Variants in PPM1L observed in about 807,000 individuals in gnomAD.
The protein encoded by PPM1L is protein phosphatase 1L.
Under a neutral mutation model 31.4 loss-of-function variants are expected in PPM1L, and 13 were observed. That is an observed-to-expected ratio of 0.41 (90% CI 0.27 to 0.66). PPM1L has a LOEUF of 0.66. Ranked by LOEUF, PPM1L falls within the 30% of genes least tolerant of loss-of-function variation. The pLI, the probability that PPM1L is intolerant of heterozygous loss-of-function variation, is 0.29. For missense variants in PPM1L, 326 were observed against 453.7 expected (o/e 0.72, Z 2.56); for synonymous variants, 184 against 175.4 (o/e 1.05, Z -0.39).
intron 1 of PPM1L, among the ~76,000 whole-genome samples, chr3:160,770,935 A>G (rs1334940971): frequency 6.6e-6 from 1 of 152,202 alleles, no homozygotes; most frequent in Non-Finnish European, 1.5e-5. Context: ...CTGAGTTGGT[A>G]TAAGAGACAA....
At chr3:161,003,021 T>G (rs1309795721) in intron 2 of PPM1L, among the ~76,000 whole-genome samples, 1 of 150,798 alleles carries the variant, frequency 6.6e-6, no homozygotes, top group South Asian at 2.1e-4. Context: ...TTGTATAAAG[T>G]GTAAGGAAGG....
At chr3:160,912,649 G>A (rs1714015337) in intron 1 of PPM1L, among the ~76,000 whole-genome samples, 1 of 152,186 alleles carries the variant, frequency 6.6e-6, no homozygotes. Flanking sequence ...ATGCAAAAGA[G>A]TTATGGGCTC....
At chr3:160,918,561 A>G (rs1245118429) in intron 1 of PPM1L, among the ~76,000 whole-genome samples, 2 of 152,242 alleles carry the variant, frequency 1.3e-5, no homozygotes, top group Non-Finnish European at 2.9e-5. Flanking sequence ...ATGCATAAAT[A>G]TTCTAGCATA....
intron 2 of PPM1L, among the ~76,000 whole-genome samples, chr3:160,981,950 G>C (rs1716814916): frequency 6.6e-6 from 1 of 151,938 alleles, no homozygotes; most frequent in Non-Finnish European, 1.5e-5. Flanking sequence ...ATTTTTAGTA[G>C]AGACGGGGTT....
intron 2 of PPM1L, among the ~76,000 whole-genome samples, chr3:160,980,600 T>C (rs1158125092): frequency 6.6e-6 from 1 of 151,348 alleles, no homozygotes; most frequent in Non-Finnish European, 1.5e-5. Context: ...CCCTGGAGGT[T>C]GAGGCTGCAG....
chr3:160,801,636 T>G (rs1345920808), intron 1 of PPM1L, among the ~76,000 whole-genome samples: 1 of 152,238 alleles, frequency 6.6e-6, no homozygotes, highest in African/African-American at 2.4e-5. Context: ...TGCCTGTTTA[T>G]GCTGAGATAA....
At chr3:160,952,631 T>G (rs1715609988) in intron 1 of PPM1L, among the ~76,000 whole-genome samples, 1 of 152,224 alleles carries the variant, frequency 6.6e-6, no homozygotes, top group Non-Finnish European at 1.5e-5. Context: ...TCAGATGTCC[T>G]TAAAGCCAGA....
intron 2 of PPM1L, among the ~76,000 whole-genome samples, chr3:160,995,158 G>A (rs1253098479): frequency 6.6e-6 from 1 of 152,170 alleles, no homozygotes; most frequent in Non-Finnish European, 1.5e-5. Flanking sequence ...GGCAATGTGA[G>A]AACAAAAGCC....
intron 2 of PPM1L, among the ~76,000 whole-genome samples, chr3:161,047,264 G>A (rs1719112847): frequency 6.6e-6 from 1 of 152,090 alleles, no homozygotes; most frequent in South Asian, 2.1e-4. Flanking sequence ...AAATCAATGT[G>A]CAAAAATCAC....
intron 2 of PPM1L, among the ~76,000 whole-genome samples, chr3:160,983,999 G>GGCA (rs899124037): frequency 4.6e-5 from 7 of 152,128 alleles, no homozygotes; most frequent in African/African-American, 1.7e-4. Flanking sequence ...ACAAGGTCAG[G>GGCA]GCAAAACTAG....
chr3:161,070,229 G>C lies in PPM1L; in HGVS notation c.*1072G>C, dbSNP rs144200502. 6.8e-4 allele frequency: 103 copies of C among 152,326 alleles called. No individual in the cohort carries two copies. The highest frequency in any genetic ancestry group is 2.4e-3 in the African/African-American group (100 of 41,568). The allele number at this position is 152,326 out of a possible 1,614,324, so 9.4% of individuals were successfully genotyped here. On this transcript the variant is annotated 3_prime_UTR_variant, in exon 4 of 4. Coordinates refer to ENST00000498165, the MANE Select transcript of PPM1L (RefSeq NM_139245.4). The stretch of plus-strand genomic sequence containing the variant: ...TTCTGAGAAGCAGCAGCCTATAACT[G>C]TATGTGTGTTCCTTGAAGCCAGGTG...
chr3:160,983,964 C>A (rs1160762000), intron 2 of PPM1L, among the ~76,000 whole-genome samples: 1 of 152,116 alleles, frequency 6.6e-6, no homozygotes, highest in Non-Finnish European at 1.5e-5. Context: ...CAAAAGATCA[C>A]AAGACAGGAG....
rs574170151 is a variant in PPM1L at position 160,995,154 on chromosome 3, G to A, written c.574+33244G>A. Among the ~76,000 whole-genome samples the A allele has an allele frequency of 5.3e-5, 8 of 152,298 alleles. No individual in the cohort carries two copies. The South Asian group carries it at 1.7e-3, about 32-fold the overall frequency. On this transcript the variant is annotated intron_variant, in intron 2 of 3. Transcript: ENST00000498165. ...CAACAAGAGCAACTATAATGGCAAT[G>A]TGAGAACAAAAGCCTCTTTGAAGTG...
rs369062855 is a variant in PPM1L at position 160,900,979 on chromosome 3, A to G, written c.400-60757A>G. Among the ~76,000 whole-genome samples, 7 of 152,148 alleles carry G rather than the reference A, an allele frequency of 4.6e-5. No homozygotes were observed. The East Asian group carries it at 1.2e-3, about 25-fold the overall frequency. On this transcript the variant is annotated intron_variant, in intron 1 of 3. Coordinates refer to ENST00000498165, the MANE Select transcript of PPM1L (RefSeq NM_139245.4). The stretch of plus-strand genomic sequence containing the variant: ...GTCTTCATTTGGCTTTTAAGATACC[A>G]GTTTCTTTTGGTTCTTTTAGCTCAA...
chr3:160,944,803 A>ATGT (rs1715287630), intron 1 of PPM1L, among the ~76,000 whole-genome samples: 4 of 59,238 alleles, frequency 6.8e-5, no homozygotes, highest in African/African-American at 1.7e-4. Context: ...TATATATAAC[A>ATGT]TATATAACAT....
In PPM1L at chr3:161,072,148, T is replaced by A. The variant is rs935341728; in HGVS notation, c.*2991T>A. 9 of 151,842 alleles carry A rather than the reference T, an allele frequency of 5.9e-5. No individual in the cohort carries two copies. Among genetic ancestry groups the A allele is most frequent in the Non-Finnish European group, 1.0e-4 (7 of 68,032 alleles). The allele number at this position is 151,842 out of a possible 1,614,324, so 9.4% of individuals were successfully genotyped here. On this transcript the variant is annotated 3_prime_UTR_variant, in exon 4 of 4. Transcript: ENST00000498165. ...GAGGGACAGCTAGGGAAATTTTTTT[T>A]AATTAATTGTATCTAAAATTCTTTC...
Position 160,756,842 on chromosome 3 carries a change from G to A in PPM1L, c.399+135G>A. ...GCGGGAGAGGATCTGGGTGCGAGGGGCGTGGTGATGACACCACGGTGCCTG... is the reference window on the plus strand; with the variant it reads ...GCGGGAGAGGATCTGGGTGCGAGGGACGTGGTGATGACACCACGGTGCCTG... On this transcript the variant is annotated intron_variant, in intron 1 of 3. Coordinates refer to ENST00000498165, the MANE Select transcript of PPM1L (RefSeq NM_139245.4). The surrounding 1 kb of genome is among the most constrained non-coding windows in gnomAD (Gnocchi z 6.2). 1.0e-6 allele frequency: 1 copy of A among 989,932 alleles called. No individual in the cohort carries two copies. The highest frequency in any genetic ancestry group is 1.5e-6 in the Non-Finnish European group (1 of 689,048). 61.3% of individuals were successfully genotyped at this position (989,932 alleles called of 1,614,324 possible).
At chr3:161,031,517 T>G (rs1353898904) in intron 2 of PPM1L, among the ~76,000 whole-genome samples, 1 of 149,256 alleles carries the variant, frequency 6.7e-6, no homozygotes, top group Non-Finnish European at 1.5e-5. Context: ...TTTTTTTTTT[T>G]TGAGAGAGAG....
At chr3:160,778,355 A>G (rs1711622428) in intron 1 of PPM1L, among the ~76,000 whole-genome samples, 1 of 152,124 alleles carries the variant, frequency 6.6e-6, no homozygotes, top group African/African-American at 2.4e-5. Context: ...TTATATTGAT[A>G]TAATTTCAAA....
Sources: gnomAD v4.1 joint callset for allele counts (sites outside exome capture counted in the v4.1 genomes callset) on GRCh38, gnomAD v4.1.1 for gene constraint, Gnocchi (gnomAD v3.1) non-coding constraint, MANE v1.5 for transcripts, NCBI Gene and HGNC (gene_info 2026-07-23, HGNC 2026-07-21) for gene names.